The following ARG2 variants were observed in gnomAD, a reference collection of about 807,000 sequenced individuals.
The protein encoded by ARG2 is arginase-2, mitochondrial.
Under a neutral mutation model 39.4 loss-of-function variants are expected in ARG2, and 21 were observed. The ratio of observed to expected loss-of-function variants is 0.53; its 90% CI spans 0.38 to 0.77. The LOEUF is 0.77. ARG2 is among the 30% of genes least tolerant of loss of function. ARG2 has a pLI of 0.00. For missense variants in ARG2, 378 were observed against 426.2 expected (o/e 0.89, Z 1.00); for synonymous variants, 150 against 156.7 (o/e 0.96, Z 0.32).
At chr14:67,642,970 T>C (rs913988983) in intron 3 of ARG2, among the ~76,000 whole-genome samples, 1 of 152,032 alleles carries the variant, frequency 6.6e-6, no homozygotes, top group Non-Finnish European at 1.5e-5. Flanking sequence ...GCCTGGCTCA[T>C]TTTTGTATTT....
At chr14:67,649,226 A>C (rs1365872723) in intron 7 of ARG2, 1 of 152,132 alleles carries the variant, frequency 6.6e-6, no homozygotes, top group Non-Finnish European at 1.5e-5. Context: ...TTTTACTCCA[A>C]AAGACACTCA....
In ARG2 at chr14:67,642,193, C is replaced by T. The variant is rs753857874; in HGVS notation, c.192C>T (p.His64=). ...LMKRLSSLGC[H]LKDFGDLSFT... ...TCCCTCATTTGCTTCCAGGCTGCCA[C>T]CTAAAAGACTTTGGAGATTTGAGTT... Residue 64 remains histidine (H), a synonymous_variant, in exon 3 of 8, where the codon CAC becomes CAT. Coordinates refer to ENST00000261783, the MANE Select transcript of ARG2 (RefSeq NM_001172.4). 1 of 1,613,792 alleles carries T rather than the reference C, an allele frequency of 6.2e-7. No homozygotes were observed. Among genetic ancestry groups the T allele is most frequent in the South Asian group, 1.1e-5 (1 of 91,070 alleles).
chr14:67,639,924 CAA>C (rs5809358), intron 2 of ARG2, among the ~76,000 whole-genome samples: 182 of 61,804 alleles, frequency 2.9e-3, no homozygotes, highest in African/African-American at 9.2e-3. Flanking sequence ...GACCCTGTCT[CAA>C]AAAAAAAAAA....
chr14:67,626,367 G>A lies in ARG2; in HGVS notation c.184+5401G>A, dbSNP rs150699350. On this transcript the variant is annotated intron_variant, in intron 2 of 7. Transcript: ENST00000261783. The stretch of plus-strand genomic sequence containing the variant: ...TATTGGTGAGGGTGTAAAAAGATTC[G>A]ACCTGTCATACACTACTGGTGTGAA... Among the ~76,000 whole-genome samples, 38 of 152,156 alleles carry A rather than the reference G, an allele frequency of 2.5e-4. No homozygotes were observed. In the East Asian group the frequency reaches 6.8e-3, roughly 27 times the overall value.
At chr14:67,624,967 TGGCA>T (rs2036847905) in intron 2 of ARG2, among the ~76,000 whole-genome samples, 1 of 152,218 alleles carries the variant, frequency 6.6e-6, no homozygotes, top group Non-Finnish European at 1.5e-5. Flanking sequence ...ACCAGGAGGC[TGGCA>T]GTTACTGCAA....
intron 2 of ARG2, among the ~76,000 whole-genome samples, chr14:67,638,039 G>A (rs114206702): frequency 0.012 from 1,773 of 152,260 alleles, 33 homozygotes; most frequent in African/African-American, 0.041. Context: ...CAAAGTCCTA[G>A]GCATGAGAGC....
Position 67,646,681 on chromosome 14 carries a change from G to A in ARG2, c.560G>A (p.Cys187Tyr), listed in dbSNP as rs753154059. The change falls in exon 5 of 8, where the codon TGT (cysteine) becomes TAT (tyrosine). Residue 187 changes from cysteine to tyrosine, a missense_variant. Physicochemically the swap from Cys to Tyr is radical, Grantham distance 194. Coordinates refer to ENST00000261783, the MANE Select transcript of ARG2 (RefSeq NM_001172.4). The part of the protein sequence containing the change: ...QLPGFSWIKP[C>Y]ISSASIVYIG... ...CCAGGATTTTCCTGGATCAAACCTT[G>A]TATCTCTTCTGCAAGTATTGTGTAT... 3.7e-6 allele frequency: 6 copies of A among 1,613,690 alleles called. No individual in the cohort carries two copies. The highest frequency in any genetic ancestry group is 5.1e-6 in the Non-Finnish European group (6 of 1,179,666).
chr14:67,622,262 A>G (rs1459745187), intron 2 of ARG2, among the ~76,000 whole-genome samples: 1 of 152,230 alleles, frequency 6.6e-6, no homozygotes, highest in Non-Finnish European at 1.5e-5. Context: ...GGAGATAATA[A>G]CACATAATCT....
At chr14:67,628,665 A>G (rs569855386) in intron 2 of ARG2, among the ~76,000 whole-genome samples, 1 of 152,322 alleles carries the variant, frequency 6.6e-6, no homozygotes, top group South Asian at 2.1e-4. Flanking sequence ...CATTTTCATA[A>G]TTTGTAAAAA....
chr14:67,648,254 G>A, intron 7 of ARG2, 71 bp downstream of exon 7: 1 of 1,502,988 alleles, frequency 6.7e-7, no homozygotes, highest in African/African-American at 1.4e-5. Context: ...GCCTGCAAAG[G>A]ATCTTTTCTG....
chr14:67,639,689 G>A (rs2037009378), intron 2 of ARG2, among the ~76,000 whole-genome samples: 1 of 152,096 alleles, frequency 6.6e-6, no homozygotes, highest in Non-Finnish European at 1.5e-5. Context: ...GGGAGGCCGA[G>A]GCAGGTGGAT....
At chr14:67,626,588 A>C (rs77640610) in intron 2 of ARG2, among the ~76,000 whole-genome samples, 13,353 of 152,120 alleles carry the variant, frequency 0.088, 641 homozygotes, top group Middle Eastern at 0.18. Flanking sequence ...TCTCGGCCTC[A>C]GCCTTCTGAG....
chr14:67,643,805 G>T (rs1032434777), intron 3 of ARG2, among the ~76,000 whole-genome samples: 5 of 127,264 alleles, frequency 3.9e-5, no homozygotes, highest in Non-Finnish European at 8.0e-5. Flanking sequence ...GAACAGAAAT[G>T]AAATCTTTGT....
At chr14:67,627,281 A>ATATATATATATC (rs1303845234) in intron 2 of ARG2, among the ~76,000 whole-genome samples, 2 of 146,356 alleles carry the variant, frequency 1.4e-5, no homozygotes, top group African/African-American at 5.0e-5. Flanking sequence ...ATATATATAT[A>ATATATATATATC]TCTGAAACTT....
rs1367058754 is a variant in ARG2 at position 67,648,281 on chromosome 14, CAG to C, written c.859+101_859+102del. 14 of 1,399,930 alleles carry C rather than the reference CAG, an allele frequency of 1.0e-5. No homozygotes were observed. The Admixed American group carries it at 1.9e-4, about 19-fold the overall frequency. The allele number at this position is 1,399,930 out of a possible 1,614,324, so 86.7% of individuals were successfully genotyped here. A position where few individuals can be genotyped will look rare whatever the true frequency, so the allele number is the denominator to read the frequency against. ...TCTTTTCTGCTATTCCACATCATTG[CAG>C]AGTTTGTTTTTGCTTAAACTTTTGT... On this transcript the variant is annotated intron_variant, in intron 7 of 7. Transcript: ENST00000261783.
At chr14:67,649,114 A>G (rs2037139099) in intron 7 of ARG2, 1 of 152,226 alleles carries the variant, frequency 6.6e-6, no homozygotes, top group Non-Finnish European at 1.5e-5. Context: ...TGGGGGTTCA[A>G]TTCTCTGCTT....
intron 1 of ARG2, among the ~76,000 whole-genome samples, 179 bp downstream of exon 1, chr14:67,620,267 A>G (rs1380428767): frequency 7.0e-6 from 1 of 141,970 alleles, no homozygotes; most frequent in African/African-American, 2.5e-5. Context: ...ATCCTCCGAC[A>G]GAGAATGGAG....
chr14:67,629,937 A>G (rs2036902298), intron 2 of ARG2, among the ~76,000 whole-genome samples: 1 of 152,232 alleles, frequency 6.6e-6, no homozygotes, highest in Non-Finnish European at 1.5e-5. Flanking sequence ...AGACAAAAAT[A>G]TAAATAGTTT....
Sources: allele counts gnomAD v4.1 joint callset (sites outside exome capture counted in the v4.1 genomes callset), GRCh38; gene constraint gnomAD v4.1.1; transcripts MANE v1.5; gene names NCBI Gene and HGNC (gene_info 2026-07-23, HGNC 2026-07-21).